The following CSMD1 variants were observed in gnomAD, a reference collection of about 807,000 sequenced individuals.
CSMD1 encodes the protein CUB and sushi domain-containing protein 1.
A neutral mutation model predicts 417.5 loss-of-function variants in CSMD1; 213 were observed. The ratio of observed to expected loss-of-function variants is 0.51; its 90% CI spans 0.46 to 0.57. The LOEUF (loss-of-function observed/expected upper bound fraction) is 0.57. CSMD1 is among the 20% of genes least tolerant of loss of function. The pLI, the probability that CSMD1 is intolerant of heterozygous loss-of-function variation, is 0.00. For synonymous variants in CSMD1, 2,862 were observed against 1,736.8 expected, an observed-to-expected ratio of 1.65 and a Z score of -16.11; for missense variants, 6,923 against 4,529.7, an observed-to-expected ratio of 1.53 and a Z score of -15.17.
chr8:3,838,891 TATAA>T (rs1157787315), intron 5 of CSMD1, among the ~76,000 whole-genome samples: 2 of 97,530 alleles, frequency 2.1e-5, no homozygotes, highest in African/African-American at 9.9e-5. Flanking sequence ...AATTATAATA[TATAA>T]TAATATATAC....
At chr8:4,799,047 G>A (rs1210477909) in intron 1 of CSMD1, among the ~76,000 whole-genome samples, 1 of 152,292 alleles carries the variant, frequency 6.6e-6, no homozygotes, top group Non-Finnish European at 1.5e-5. Flanking sequence ...AGCGTGGGCT[G>A]GTGAGGACAG....
At chr8:4,723,458 T>C (rs776963050) in intron 1 of CSMD1, among the ~76,000 whole-genome samples, 7 of 152,172 alleles carry the variant, frequency 4.6e-5, no homozygotes, top group Non-Finnish European at 8.8e-5. Context: ...CTGATACTTA[T>C]GATTCAAGTC....
At chr8:4,212,762 T>C (rs985017465) in intron 3 of CSMD1, among the ~76,000 whole-genome samples, 16 of 148,758 alleles carry the variant, frequency 1.1e-4, no homozygotes, top group Non-Finnish European at 2.1e-4. Context: ...TTTTTTTTTT[T>C]TTTTTTTTTT....
At chr8:3,407,302 G>C (rs1157730882) in intron 14 of CSMD1, among the ~76,000 whole-genome samples, 1 of 151,982 alleles carries the variant, frequency 6.6e-6, no homozygotes. Flanking sequence ...AGGAATGATA[G>C]ACGGAATAAT....
chr8:4,267,451 A>G (rs1804289047), intron 3 of CSMD1, among the ~76,000 whole-genome samples: 1 of 150,916 alleles, frequency 6.6e-6, no homozygotes, highest in Non-Finnish European at 1.5e-5. Context: ...AATAGTTTAA[A>G]TAATATATAA....
chr8:4,065,101 A>T (rs1472568816), intron 3 of CSMD1, among the ~76,000 whole-genome samples: 1 of 152,248 alleles, frequency 6.6e-6, no homozygotes, highest in Non-Finnish European at 1.5e-5. Context: ...GAAGATTTAA[A>T]AATGTCATTT....
At chr8:3,409,726 G>A in intron 12 of CSMD1, 121 bp from the exon 13 acceptor site, 1 of 729,900 alleles carries the variant, frequency 1.4e-6, no homozygotes, top group Non-Finnish European at 2.2e-6. Context: ...TTTTTGTAAA[G>A]TGTTTCTAAA....
At chr8:4,579,518 A>G (rs1315612417) in intron 2 of CSMD1, among the ~76,000 whole-genome samples, 1 of 151,770 alleles carries the variant, frequency 6.6e-6, no homozygotes, top group Non-Finnish European at 1.5e-5. Context: ...ACCCGCCACC[A>G]CGCCCAGCTA....
intron 12 of CSMD1, among the ~76,000 whole-genome samples, chr8:3,439,281 G>GTATATATA (rs1168340584): frequency 6.8e-4 from 37 of 54,306 alleles, no homozygotes; most frequent in East Asian, 1.1e-3. Context: ...GGCAATGTCA[G>GTATATATA]TATATATATA....
intron 2 of CSMD1, among the ~76,000 whole-genome samples, chr8:4,611,088 G>C (rs184559994): frequency 1.3e-5 from 2 of 152,038 alleles, no homozygotes; most frequent in African/African-American, 2.4e-5. Context: ...AGACCATAGA[G>C]AATTGCCTAC....
chr8:4,069,717 A>G (rs1353036956), intron 3 of CSMD1, among the ~76,000 whole-genome samples: 4 of 152,014 alleles, frequency 2.6e-5, no homozygotes, highest in African/African-American at 7.2e-5. Context: ...TTCTCCCACT[A>G]AACTCTAGGC....
chr8:3,683,722 T>C (rs1799789439), intron 7 of CSMD1, among the ~76,000 whole-genome samples: 1 of 152,148 alleles, frequency 6.6e-6, no homozygotes, highest in Non-Finnish European at 1.5e-5. Context: ...CTCCTACAAC[T>C]AGTAGGTTCA....
At chr8:4,387,177 C>G (rs748590365) in intron 3 of CSMD1, among the ~76,000 whole-genome samples, 5 of 152,160 alleles carry the variant, frequency 3.3e-5, no homozygotes, top group Admixed American at 6.5e-5. Flanking sequence ...ACAATGCCAT[C>G]TTGTGGCTAG....
chr8:4,038,034 T>C (rs1797706751), intron 3 of CSMD1, among the ~76,000 whole-genome samples: 1 of 152,070 alleles, frequency 6.6e-6, no homozygotes. Flanking sequence ...AAAGTGTAAA[T>C]AAGTATCAGA....
chr8:3,928,578 A>C (rs1185041979), intron 5 of CSMD1, among the ~76,000 whole-genome samples: 7 of 151,282 alleles, frequency 4.6e-5, no homozygotes, highest in African/African-American at 1.5e-4. Context: ...ATCTACAAGT[A>C]GTTCCATCCA....
intron 5 of CSMD1, among the ~76,000 whole-genome samples, chr8:3,997,300 C>A (rs1004437985): frequency 3.9e-5 from 6 of 152,158 alleles, no homozygotes; most frequent in African/African-American, 1.4e-4. Context: ...CCTAAATAGG[C>A]GGTACTTCAT....
chr8:4,228,755 C>G (rs1371448711), intron 3 of CSMD1, among the ~76,000 whole-genome samples: 1 of 152,082 alleles, frequency 6.6e-6, no homozygotes, highest in African/African-American at 2.4e-5. Flanking sequence ...GGGATCTTAG[C>G]TCAATGCAAC....
chr8:4,649,878 T>A (rs1803774488), intron 1 of CSMD1, among the ~76,000 whole-genome samples: 1 of 152,204 alleles, frequency 6.6e-6, no homozygotes, highest in Admixed American at 6.5e-5. Context: ...GGAATTTCAA[T>A]AATATTTGCA....
intron 3 of CSMD1, among the ~76,000 whole-genome samples, chr8:4,369,842 A>G (rs1448012512): frequency 6.6e-6 from 1 of 152,162 alleles, no homozygotes; most frequent in Non-Finnish European, 1.5e-5. Flanking sequence ...TTGTAAGACG[A>G]GTATCTGGAA....
Sources: allele counts gnomAD v4.1 joint callset (sites outside exome capture counted in the v4.1 genomes callset), GRCh38; gene constraint gnomAD v4.1.1; transcripts MANE v1.5; gene names NCBI Gene and HGNC (gene_info 2026-07-23, HGNC 2026-07-21).